Variants in KDM4C observed in about 807,000 individuals in gnomAD.
KDM4C encodes lysine demethylase 4C, also known as lysine-specific demethylase 4C.
Under a neutral mutation model 129.3 loss-of-function variants are expected in KDM4C, and 81 were observed. The ratio of observed to expected loss-of-function variants is 0.63; its 90% CI spans 0.52 to 0.75. The LOEUF (loss-of-function observed/expected upper bound fraction) is 0.75, where lower values mean the gene tolerates loss of function less well. Among genes scored for constraint, KDM4C ranks in the 30% least tolerant of loss-of-function variants. KDM4C has a pLI of 0.00. For synonymous variants in KDM4C, 573 were observed against 456.1 expected (o/e 1.26, Z -3.26); for missense variants, 1,457 against 1,304.0 (o/e 1.12, Z -1.81).
intron 7 of KDM4C, among the ~76,000 whole-genome samples, chr9:6,889,580 C>T (rs1173649915): frequency 6.6e-6 from 1 of 152,184 alleles, no homozygotes; most frequent in African/African-American, 2.4e-5. Flanking sequence ...CATCTGCAGA[C>T]ACCTCTGGGC....
chr9:6,809,276 C>G (rs1442249637), intron 3 of KDM4C, among the ~76,000 whole-genome samples: 1 of 152,194 alleles, frequency 6.6e-6, no homozygotes, highest in Non-Finnish European at 1.5e-5. Context: ...AGATTGGAAG[C>G]ATTTTCTTTC....
intron 19 of KDM4C, among the ~76,000 whole-genome samples, chr9:7,138,812 C>T (rs1841468833): frequency 1.3e-5 from 2 of 151,862 alleles, no homozygotes; most frequent in Admixed American, 1.3e-4. Flanking sequence ...AGAGCCAAAC[C>T]CTGTCTCTAA....
intron 12 of KDM4C, among the ~76,000 whole-genome samples, chr9:6,997,661 T>G (rs1274945138): frequency 3.3e-5 from 5 of 152,238 alleles, no homozygotes; most frequent in African/African-American, 1.2e-4. Context: ...GTCTTGACTT[T>G]GTGCTTTATA....
At chr9:6,792,325 A>G (rs1233123278) in intron 1 of KDM4C, among the ~76,000 whole-genome samples, 1 of 152,166 alleles carries the variant, frequency 6.6e-6, no homozygotes, top group Admixed American at 6.5e-5. Flanking sequence ...CCTAGGCAAT[A>G]TAGCGAGACT....
At chr9:7,070,156 T>G (rs1832998229) in intron 17 of KDM4C, among the ~76,000 whole-genome samples, 1 of 152,154 alleles carries the variant, frequency 6.6e-6, no homozygotes, top group Non-Finnish European at 1.5e-5. Context: ...AAACAAAACA[T>G]CAAAACTCAC....
At chr9:6,750,793 T>C (rs1818041142) in intron 1 of KDM4C, among the ~76,000 whole-genome samples, 1 of 152,198 alleles carries the variant, frequency 6.6e-6, no homozygotes, top group Non-Finnish European at 1.5e-5. Flanking sequence ...AACGTAGTGG[T>C]TTAGAGCAGC....
intron 1 of KDM4C, 45 bp from the exon 2 acceptor site, chr9:6,792,927 G>A: frequency 6.3e-7 from 1 of 1,593,184 alleles, no homozygotes; most frequent in Non-Finnish European, 8.6e-7. Context: ...ATGACCTAAA[G>A]CATATAATAA....
chr9:7,062,196 C>G (rs1324351628), intron 17 of KDM4C, among the ~76,000 whole-genome samples: 1 of 152,148 alleles, frequency 6.6e-6, no homozygotes, highest in Admixed American at 6.5e-5. Context: ...TCTCGACCTC[C>G]TGACCTTGTG....
At chr9:7,093,143 A>G (rs1484477580) in intron 17 of KDM4C, among the ~76,000 whole-genome samples, 1 of 152,140 alleles carries the variant, frequency 6.6e-6, no homozygotes, top group African/African-American at 2.4e-5. Context: ...TGTTACTTCC[A>G]TGAAGAAAAT....
intron 12 of KDM4C, among the ~76,000 whole-genome samples, chr9:7,007,126 C>G (rs1013823534): frequency 6.6e-6 from 1 of 152,186 alleles, no homozygotes; most frequent in African/African-American, 2.4e-5. Flanking sequence ...CATAGGATGG[C>G]CCTTTTAGCC....
At chr9:6,770,493 A>C (rs894668909) in intron 1 of KDM4C, among the ~76,000 whole-genome samples, 1 of 152,078 alleles carries the variant, frequency 6.6e-6, no homozygotes, top group Admixed American at 6.6e-5. Context: ...GAGGGAATAC[A>C]TGATCAACAA....
At chr9:6,889,515 A>G (rs1286492858) in intron 7 of KDM4C, among the ~76,000 whole-genome samples, 1 of 152,088 alleles carries the variant, frequency 6.6e-6, no homozygotes, top group African/African-American at 2.4e-5. Context: ...TGCTGGGTAC[A>G]GAGGGCACAG....
At chr9:6,939,976 A>ACCCACCTACCTTCCTTCCTT (rs1825579056) in intron 8 of KDM4C, among the ~76,000 whole-genome samples, 1 of 93,480 alleles carries the variant, frequency 1.1e-5, no homozygotes, top group African/African-American at 4.1e-5. Context: ...CTACCTACCT[A>ACCCACCTACCTTCCTTCCTT]CCTTCCTTCC....
At position 7,047,434 on chromosome 9, in the gene KDM4C, G is replaced by A. The variant is rs573084463; in HGVS notation, c.2315+517G>A. On this transcript the variant is annotated intron_variant, in intron 16 of 21. Transcript: ENST00000381309. ...TTAAGATTTAAAGGGATCAGGTGGA[G>A]AATATGAAGAGAGTCTTGAAAGAGA... 6.6e-5 allele frequency among the ~76,000 whole-genome samples: 10 copies of A among 152,180 alleles called. No individual in the cohort carries two copies. The East Asian group carries it at 1.9e-3, about 29-fold the overall frequency.
Position 7,082,683 on chromosome 9 carries a change from C to T in KDM4C, c.2425-21002C>T, listed in dbSNP as rs911409067. Among the ~76,000 whole-genome samples, 34 of 152,124 alleles carry T rather than the reference C, an allele frequency of 2.2e-4. 1 individual carries two copies. Among genetic ancestry groups the T allele is most frequent in the Admixed American group, 1.6e-3 (25 of 15,268 alleles). ...TCATCTCAAGCCTACTGTGTTGTCA[C>T]GCGTGGCTCCAAATCCCACACTGCT... On this transcript the variant is annotated intron_variant, in intron 17 of 21. Transcript: ENST00000381309.
chr9:6,810,611 C>G (rs527278650), intron 3 of KDM4C, among the ~76,000 whole-genome samples: 10 of 152,178 alleles, frequency 6.6e-5, no homozygotes, highest in Admixed American at 3.3e-4. Flanking sequence ...GTGGTTCACG[C>G]TTGTAGTCCC....
intron 3 of KDM4C, among the ~76,000 whole-genome samples, chr9:6,806,331 C>G (rs1220001372): frequency 1.3e-5 from 2 of 151,874 alleles, no homozygotes; most frequent in African/African-American, 4.8e-5. Flanking sequence ...CTTGTCTCCA[C>G]TAAAACTACA....
rs978858309 is a variant in KDM4C at position 7,175,060 on chromosome 9, C to G, written c.*331C>G. 4 of 196,342 alleles carry G rather than the reference C, an allele frequency of 2.0e-5. No homozygotes were observed. Among genetic ancestry groups the G allele is most frequent in the African/African-American group, 9.1e-5 (4 of 43,792 alleles). The allele number at this position is 196,342 out of a possible 1,614,324, so 12.2% of individuals were successfully genotyped here. ...CACAGAGGAGGCGGGTCCCCTTGTG[C>G]GGCTTAGGGCCCTGTCAGGAAACAC... On this transcript the variant is annotated 3_prime_UTR_variant, in exon 22 of 22. Coordinates refer to ENST00000381309, the MANE Select transcript of KDM4C (RefSeq NM_015061.6).
intron 18 of KDM4C, among the ~76,000 whole-genome samples, chr9:7,109,458 T>C (rs1838071197): frequency 6.6e-6 from 1 of 152,238 alleles, no homozygotes. Context: ...TTCTGGTTTA[T>C]ACATTTCAAT....
Sources: allele counts gnomAD v4.1 joint callset (sites outside exome capture counted in the v4.1 genomes callset), GRCh38; gene constraint gnomAD v4.1.1; transcripts MANE v1.5; gene names NCBI Gene and HGNC (gene_info 2026-07-23, HGNC 2026-07-21).